PRKN: variants seen among roughly 807,000 people sequenced by gnomAD.
PRKN encodes parkin RBR E3 ubiquitin protein ligase.
A neutral mutation model predicts 59.5 loss-of-function variants in PRKN; 56 were observed. The observed-to-expected ratio is 0.94, with a 90% CI of 0.76 to 1.18. PRKN has a LOEUF of 1.18. Ranked by LOEUF, PRKN falls within the 50% of genes most tolerant of loss-of-function variation. The probability of loss-of-function intolerance (pLI) is 0.00; values close to 1 mark genes in which losing one functional copy is unlikely to be tolerated. For synonymous variants in PRKN, 250 were observed against 222.1 expected (o/e 1.13, Z -1.12); for missense variants, 657 against 596.4 (o/e 1.10, Z -1.06).
intron 2 of PRKN, among the ~76,000 whole-genome samples, chr6:162,267,977 A>G (rs1162707769): frequency 6.6e-6 from 1 of 152,210 alleles, no homozygotes; most frequent in Non-Finnish European, 1.5e-5. Context: ...TACAAATATC[A>G]TCTCTAAAAT....
intron 2 of PRKN, among the ~76,000 whole-genome samples, chr6:162,343,693 G>T (rs962875919): frequency 3.0e-4 from 34 of 113,590 alleles, no homozygotes; most frequent in Non-Finnish European, 4.7e-4. Context: ...CATGGAAGGG[G>T]TGTGTGTGTG....
chr6:162,453,150 C>T (rs774365602), intron 1 of PRKN, among the ~76,000 whole-genome samples: 3 of 152,126 alleles, frequency 2.0e-5, no homozygotes, highest in Non-Finnish European at 4.4e-5. Context: ...GGTCTCCTGC[C>T]ACTTCCAGGT....
At chr6:161,783,783 CACA>C in intron 7 of PRKN, 1 of 429,254 alleles carries the variant, frequency 2.3e-6, no homozygotes, top group South Asian at 1.8e-5. Context: ...AAAAGAAAGG[CACA>C]ATAACTTTCA....
In PRKN at chr6:161,361,846, G is replaced by A. The variant is rs551365005; in HGVS notation, c.1168-1641C>T. On this transcript the variant is annotated intron_variant, in intron 10 of 11. Transcript: ENST00000366898. The surrounding 1 kb of genome is among the most constrained non-coding windows in gnomAD (Gnocchi z 5.2). ...CTCACGGCAGAGGCCCAGTGAGGGCGCTGTGGTTAGTGAGGGCCATTTCAC... is the reference window on the plus strand; with the variant it reads ...CTCACGGCAGAGGCCCAGTGAGGGCACTGTGGTTAGTGAGGGCCATTTCAC... Among the ~76,000 whole-genome samples the A allele has an allele frequency of 3.3e-5, 5 of 152,176 alleles. No homozygotes were observed. The highest frequency in any genetic ancestry group is 4.4e-5 in the Non-Finnish European group (3 of 68,036).
intron 1 of PRKN, among the ~76,000 whole-genome samples, chr6:162,471,739 A>G (rs754545096): frequency 1.3e-5 from 2 of 152,236 alleles, no homozygotes; most frequent in Admixed American, 6.5e-5. Flanking sequence ...CTTTCACAGA[A>G]TAATCTATGC....
At chr6:161,949,962 G>A (rs1374990395) in intron 6 of PRKN, among the ~76,000 whole-genome samples, 3 of 152,172 alleles carry the variant, frequency 2.0e-5, no homozygotes, top group Non-Finnish European at 2.9e-5. Flanking sequence ...TCTCCTCATG[G>A]GGCAAAGTAA....
At chr6:161,872,767 T>C (rs1794396085) in intron 6 of PRKN, among the ~76,000 whole-genome samples, 1 of 152,088 alleles carries the variant, frequency 6.6e-6, no homozygotes, top group Non-Finnish European at 1.5e-5. Flanking sequence ...CTGAGCCCTC[T>C]GCCTCAGGCT....
Position 161,349,446 on chromosome 6 carries a change from C to T in PRKN, c.*653G>A, listed in dbSNP as rs760233938. The stretch of plus-strand genomic sequence containing the variant: ...TCTCACTTTGTGACAAGTTGATTTA[C>T]GCATAGTTGGTATTTCATTAATGCG... On this transcript the variant is annotated 3_prime_UTR_variant, in exon 12 of 12. Transcript: ENST00000366898. This position sits in a 1 kb window ranked among gnomAD's most constrained non-coding sequence, Gnocchi z 5.5. 5 of 231,900 alleles carry T rather than the reference C, an allele frequency of 2.2e-5. No homozygotes were observed. Among genetic ancestry groups the T allele is most frequent in the South Asian group, 1.8e-4 (1 of 5,532 alleles). 14.4% of individuals were successfully genotyped at this position (231,900 alleles called of 1,614,324 possible).
chr6:162,077,645 A>G (rs1778882607), intron 4 of PRKN, among the ~76,000 whole-genome samples: 1 of 152,016 alleles, frequency 6.6e-6, no homozygotes, highest in African/African-American at 2.4e-5. Context: ...TTTTAACAAA[A>G]ATGAAAAATC....
chr6:161,350,682 AT>A (rs1304684789), intron 11 of PRKN, among the ~76,000 whole-genome samples: 3 of 40,472 alleles, frequency 7.4e-5, no homozygotes, highest in East Asian at 9.9e-4. Flanking sequence ...TAAAATATAT[AT>A]ATTTTTATAT....
At chr6:162,549,053 A>AGAT (rs1779231844) in intron 1 of PRKN, among the ~76,000 whole-genome samples, 7 of 152,078 alleles carry the variant, frequency 4.6e-5, no homozygotes, top group African/African-American at 1.7e-4. Flanking sequence ...TGCCCCCCCA[A>AGAT]GATGATGGTA....
intron 3 of PRKN, among the ~76,000 whole-genome samples, chr6:162,255,113 A>AAAAT (rs1486755944): frequency 1.3e-5 from 2 of 148,594 alleles, no homozygotes; most frequent in African/African-American, 4.9e-5. Context: ...AAAATAAAAT[A>AAAAT]AAATAAAATA....
chr6:161,930,009 C>T (rs1209743858), intron 6 of PRKN, among the ~76,000 whole-genome samples: 1 of 152,132 alleles, frequency 6.6e-6, no homozygotes, highest in Non-Finnish European at 1.5e-5. Flanking sequence ...TTGGCAATGC[C>T]ACTGAATTTA....
intron 2 of PRKN, among the ~76,000 whole-genome samples, chr6:162,280,549 G>A (rs1780846275): frequency 6.6e-6 from 1 of 152,110 alleles, no homozygotes; most frequent in Non-Finnish European, 1.5e-5. Flanking sequence ...CCAGCACTTT[G>A]GAAGGTTGAG....
chr6:162,597,390 G>T (rs1781532527), intron 1 of PRKN, among the ~76,000 whole-genome samples: 1 of 152,112 alleles, frequency 6.6e-6, no homozygotes, highest in African/African-American at 2.4e-5. Flanking sequence ...AATTAAAAAT[G>T]AACATTGAAA....
intron 1 of PRKN, among the ~76,000 whole-genome samples, chr6:162,557,677 T>G (rs529199605): frequency 6.5e-4 from 99 of 152,242 alleles, no homozygotes; most frequent in Non-Finnish European, 1.2e-3. Context: ...ACCCAGCTAA[T>G]TTTTGTATTT....
intron 7 of PRKN, among the ~76,000 whole-genome samples, chr6:161,752,383 A>C (rs200380565): frequency 2.3e-5 from 1 of 43,996 alleles, no homozygotes; most frequent in Non-Finnish European, 1.0e-4. Context: ...ACAAAAAAAC[A>C]AAACAAAACA....
chr6:161,680,748 TATATATATATATATATATATA>T lies in PRKN; in HGVS notation c.871+105003_871+105023del, dbSNP rs1392159693. 6.1e-3 allele frequency among the ~76,000 whole-genome samples: 78 copies of T among 12,728 alleles called. 6 individuals carry two copies. The South Asian group carries it at 0.19, about 31-fold the overall frequency. The allele number at this position is 12,728 out of a possible 152,430, so 8.4% of individuals were successfully genotyped here. On this transcript the variant is annotated intron_variant, in intron 7 of 11. Coordinates refer to ENST00000366898, the MANE Select transcript of PRKN (RefSeq NM_004562.3). ...ATACATATATATATATATATATATA[TATATATATATATATATATATA>T]TATATATTTTTTTTTTTTTTTCTTT...
intron 9 of PRKN, among the ~76,000 whole-genome samples, chr6:161,520,864 A>C (rs1323293038): frequency 6.6e-6 from 1 of 152,250 alleles, no homozygotes; most frequent in African/African-American, 2.4e-5. Flanking sequence ...CCGCATAGTC[A>C]TCTTTGTATC....
Sources: allele counts gnomAD v4.1 joint callset (sites outside exome capture counted in the v4.1 genomes callset), GRCh38; gene constraint gnomAD v4.1.1; non-coding constraint Gnocchi (gnomAD v3.1); transcripts MANE v1.5; gene names NCBI Gene and HGNC (gene_info 2026-07-23, HGNC 2026-07-21).